The following CASP10 variants were observed in gnomAD, a reference collection of about 807,000 sequenced individuals.
CASP10 encodes the protein caspase-10.
A neutral mutation model predicts 48.5 loss-of-function variants in CASP10; 41 were observed. That is an observed-to-expected ratio of 0.85 (90% CI 0.66 to 1.10). The LOEUF is 1.10. CASP10 is among the 50% of genes least tolerant of loss of function. CASP10 has a pLI of 0.00. For synonymous variants in CASP10, 232 were observed against 238.4 expected (o/e 0.97, Z 0.25); for missense variants, 614 against 614.5 (o/e 1.00, Z 0.01).
intron 4 of CASP10, among the ~76,000 whole-genome samples, chr2:201,194,679 G>A (rs1429361930): frequency 2.0e-5 from 3 of 152,152 alleles, no homozygotes; most frequent in African/African-American, 7.2e-5. Context: ...AGGGCAAGTG[G>A]TCATATTATT....
intron 5 of CASP10, among the ~76,000 whole-genome samples, chr2:201,203,398 C>A (rs1004217265): frequency 5.3e-5 from 8 of 152,034 alleles, no homozygotes; most frequent in African/African-American, 1.9e-4. Flanking sequence ...CCTCTGCCTC[C>A]CAGGTTCAAG....
intron 7 of CASP10, among the ~76,000 whole-genome samples, chr2:201,206,968 C>T (rs1311276287): frequency 6.6e-6 from 1 of 152,040 alleles, no homozygotes; most frequent in African/African-American, 2.4e-5. Flanking sequence ...ATTTTCTTAA[C>T]TGTCATGATT....
chr2:201,186,503 G>A (rs910567986), intron 2 of CASP10: 4 of 249,442 alleles, frequency 1.6e-5, no homozygotes, highest in Non-Finnish European at 3.2e-5. Flanking sequence ...AGAGAGTAAT[G>A]CATACTTGGA....
In CASP10 at chr2:201,221,127, T is replaced by A; in HGVS notation, c.*3386T>A. ...TGCAACAGAAATAGCAGGACTTAAG[T>A]TCCTTTGTGCGTAATTCCAGCTGAC... On this transcript the variant is annotated 3_prime_UTR_variant, in exon 10 of 10. Transcript: ENST00000286186. 1.0e-6 allele frequency: 1 copy of A among 985,422 alleles called. No individual in the cohort carries two copies. The highest frequency in any genetic ancestry group is 1.2e-6 in the Non-Finnish European group (1 of 829,942). 61.0% of individuals were successfully genotyped at this position (985,422 alleles called of 1,614,324 possible).
chr2:201,214,853 AG>A (rs1164554145), intron 9 of CASP10: 3 of 152,116 alleles, frequency 2.0e-5, no homozygotes, highest in African/African-American at 7.2e-5. Flanking sequence ...TATTCCTTCT[AG>A]GCATAGGAGG....
At chr2:201,214,029 T>A (rs1945489120) in intron 9 of CASP10, 1 of 152,118 alleles carries the variant, frequency 6.6e-6, no homozygotes, top group Non-Finnish European at 1.5e-5. Context: ...ATAGGTGAAG[T>A]CAGTATAGGG....
At chr2:201,201,326 G>A (rs1004264993) in intron 5 of CASP10, among the ~76,000 whole-genome samples, 1 of 152,018 alleles carries the variant, frequency 6.6e-6, no homozygotes, top group Non-Finnish European at 1.5e-5. Flanking sequence ...TATTGTGCAT[G>A]GCCATCCCAG....
Position 201,218,417 on chromosome 2 carries a change from C to G in CASP10, c.*676C>G, listed in dbSNP as rs754027514. ...TCCCAGGTTCAAGCGATCCTCCCAC[C>G]TCAGCCTCCCAAGTAGCTGAGACTA... On this transcript the variant is annotated 3_prime_UTR_variant, in exon 10 of 10. Coordinates refer to ENST00000286186, the MANE Select transcript of CASP10 (RefSeq NM_032977.4). 3.8e-6 allele frequency: 3 copies of G among 792,498 alleles called. No homozygotes were observed. Among genetic ancestry groups the G allele is most frequent in the Non-Finnish European group, 4.6e-6 (3 of 654,064 alleles). 49.1% of individuals were successfully genotyped at this position (792,498 alleles called of 1,614,324 possible).
downstream of CASP10, among the ~76,000 whole-genome samples, chr2:201,224,866 C>T (rs1026213383): frequency 6.6e-6 from 1 of 152,086 alleles, no homozygotes; most frequent in Non-Finnish European, 1.5e-5. Flanking sequence ...TTGGGAAATA[C>T]AAAAACACAC....
Position 201,196,856 on chromosome 2 carries a change from C to T in CASP10, c.684+908C>T, listed in dbSNP as rs191278564. 1.7e-3 allele frequency among the ~76,000 whole-genome samples: 253 copies of T among 152,264 alleles called. 1 individual carries two copies. Among genetic ancestry groups the T allele is most frequent in the Non-Finnish European group, 2.3e-3 (154 of 68,020 alleles). On this transcript the variant is annotated intron_variant, in intron 5 of 9. Transcript: ENST00000286186. Reference sequence around the variant, plus strand: ...TCTCATTTTCTCCTTCCCTCCAACCCCTGGAAACCACCATTCTACTTTCTC... The same window carrying T: ...TCTCATTTTCTCCTTCCCTCCAACCTCTGGAAACCACCATTCTACTTTCTC...
At chr2:201,216,338 T>C (rs1448324622) in intron 9 of CASP10, among the ~76,000 whole-genome samples, 2 of 152,040 alleles carry the variant, frequency 1.3e-5, no homozygotes, top group Admixed American at 1.3e-4. Flanking sequence ...TACCGCATTC[T>C]AGCCTGGGCA....
At chr2:201,222,123 A>G (rs974395358), downstream of CASP10, among the ~76,000 whole-genome samples, 3 of 151,942 alleles carry the variant, frequency 2.0e-5, no homozygotes, top group Non-Finnish European at 4.4e-5. Context: ...GAATAGGTAG[A>G]TTGAGTGAGG....
downstream of CASP10, among the ~76,000 whole-genome samples, chr2:201,222,700 C>T (rs1321349198): frequency 6.6e-6 from 1 of 152,162 alleles, no homozygotes; most frequent in Non-Finnish European, 1.5e-5. Flanking sequence ...ATGGGGCTTA[C>T]CCTTAGCAAG....
chr2:201,201,905 A>T (rs1055141082), intron 5 of CASP10, among the ~76,000 whole-genome samples: 1 of 152,082 alleles, frequency 6.6e-6, no homozygotes, highest in Admixed American at 6.5e-5. Context: ...TAAAAATTAA[A>T]TTTATTTTTT....
intron 5 of CASP10, chr2:201,200,415 G>C: frequency 6.3e-7 from 1 of 1,594,024 alleles, no homozygotes. Context: ...GCATTCTACT[G>C]TAAAGAAGGA....
Position 201,220,501 on chromosome 2 carries a change from G to C in CASP10, c.*2760G>C, listed in dbSNP as rs41435647. ...GTGTACCTACAGCTGCAGAAATATT[G>C]TATGGGAACGGACACACAACTCTCC... On this transcript the variant is annotated 3_prime_UTR_variant, in exon 10 of 10. Transcript: ENST00000286186. The C allele has an allele frequency of 2.4e-3, 365 of 154,532 alleles. 2 individuals carry two copies. The highest frequency in any genetic ancestry group is 8.2e-3 in the African/African-American group (339 of 41,580). The allele number at this position is 154,532 out of a possible 1,614,324, so 9.6% of individuals were successfully genotyped here. A position where few individuals can be genotyped will look rare whatever the true frequency, so the allele number is the denominator to read the frequency against.
At position 201,185,826 on chromosome 2, in the gene CASP10, A is replaced by G. The variant is rs552561721; in HGVS notation, c.49A>G (p.Lys17Glu). 25 of 1,614,118 alleles carry G rather than the reference A, an allele frequency of 1.5e-5. No homozygotes were observed. In the Admixed American group the frequency reaches 3.8e-4, roughly 25 times the overall value. ...GTATTCCAGTTCAGATAAAAACTGT[A>G]AAGTGAGCTTTCGTGAGAAGCTTCT... ...HWYSSSDKNC[K>E]VSFREKLLII... Residue 17 changes from lysine to glutamate, a missense_variant, in exon 2 of 10, where the codon AAA (lysine) becomes GAA (glutamate). Transcript: ENST00000286186.
chr2:201,218,015 G>A lies in CASP10; in HGVS notation c.*274G>A. The A allele has an allele frequency of 1.1e-6, 1 of 890,848 alleles. No homozygotes were observed. The highest frequency in any genetic ancestry group is 5.0e-5 in the East Asian group (1 of 20,142). The allele number at this position is 890,848 out of a possible 1,614,324, so 55.2% of individuals were successfully genotyped here. A position where few individuals can be genotyped will look rare whatever the true frequency, so the allele number is the denominator to read the frequency against. On this transcript the variant is annotated 3_prime_UTR_variant, in exon 10 of 10. Coordinates refer to ENST00000286186, the MANE Select transcript of CASP10 (RefSeq NM_032977.4). ...TGTAGTCTCGACCTCCCAGGCTCAA[G>A]CTGTCCTCCCGCCTCAGCTTCCCAA...
At chr2:201,190,367 C>G (rs534959080) in intron 3 of CASP10, among the ~76,000 whole-genome samples, 1 of 152,086 alleles carries the variant, frequency 6.6e-6, no homozygotes, top group South Asian at 2.1e-4. Flanking sequence ...AAAAATCAGG[C>G]GATTTTGTTT....
Sources: allele counts gnomAD v4.1 joint callset (sites outside exome capture counted in the v4.1 genomes callset), GRCh38; gene constraint gnomAD v4.1.1; transcripts MANE v1.5; gene names NCBI Gene and HGNC (gene_info 2026-07-23, HGNC 2026-07-21).